Variants in DOCK3 observed in about 807,000 individuals in gnomAD.
DOCK3 encodes the protein dedicator of cytokinesis 3.
In DOCK3, 60 loss-of-function variants were observed where a neutral mutation model predicts 265.6. The ratio of observed to expected loss-of-function variants is 0.23; its 90% confidence interval spans 0.18 to 0.28. The LOEUF (loss-of-function observed/expected upper bound fraction) is 0.28, where lower values mean the gene tolerates loss of function less well. Ranked by LOEUF, DOCK3 falls within the 10% of genes least tolerant of loss-of-function variation. The pLI is 1.00. For missense variants in DOCK3, 1,981 were observed against 2,594.3 expected (o/e 0.76, Z 5.14); for synonymous variants, 881 against 938.0 (o/e 0.94, Z 1.11).
intron 27 of DOCK3, among the ~76,000 whole-genome samples, chr3:51,300,552 C>G (rs2082316376): frequency 1.3e-5 from 2 of 152,176 alleles, no homozygotes; most frequent in Non-Finnish European, 2.9e-5. Flanking sequence ...GTAAATGCCA[C>G]TTATTATTTT....
At chr3:50,928,498 A>G (rs2050889484) in intron 4 of DOCK3, among the ~76,000 whole-genome samples, 1 of 152,204 alleles carries the variant, frequency 6.6e-6, no homozygotes, top group Non-Finnish European at 1.5e-5. Context: ...TTAAGGTTGA[A>G]TAATATTCCA....
At chr3:51,250,390 G>A (rs1287992636) in intron 22 of DOCK3, among the ~76,000 whole-genome samples, 11 of 152,150 alleles carry the variant, frequency 7.2e-5, no homozygotes, top group Middle Eastern at 6.3e-3. Flanking sequence ...AGGCCAAGGC[G>A]GGCGGATCAC....
At chr3:50,682,783 A>G (rs1056585415) in intron 1 of DOCK3, among the ~76,000 whole-genome samples, 1 of 152,238 alleles carries the variant, frequency 6.6e-6, no homozygotes, top group Non-Finnish European at 1.5e-5. Flanking sequence ...TACTAAAAAT[A>G]TAAAAATTAG....
At chr3:51,354,818 C>G in intron 40 of DOCK3, 64 bp from the exon 41 acceptor site, 1 of 1,576,890 alleles carries the variant, frequency 6.3e-7, no homozygotes, top group Non-Finnish European at 8.6e-7. Context: ...GCTACTGACT[C>G]CAGGGTGGAG....
chr3:50,801,931 A>G (rs533358521), intron 2 of DOCK3, among the ~76,000 whole-genome samples: 1 of 152,200 alleles, frequency 6.6e-6, no homozygotes, highest in South Asian at 2.1e-4. Flanking sequence ...TGCTAACTTG[A>G]TTGCTTTATT....
intron 43 of DOCK3, among the ~76,000 whole-genome samples, 193 bp from the exon 44 acceptor site, chr3:51,356,769 T>C (rs2086394554): frequency 6.6e-6 from 1 of 152,202 alleles, no homozygotes; most frequent in Non-Finnish European, 1.5e-5. Flanking sequence ...TCAGAACTAG[T>C]GTTCTTCACT....
chr3:50,980,326 T>C (rs2077643608), intron 5 of DOCK3, among the ~76,000 whole-genome samples: 1 of 152,216 alleles, frequency 6.6e-6, no homozygotes, highest in Non-Finnish European at 1.5e-5. Context: ...TATGGCTTAT[T>C]ATCTTTTTGA....
intron 1 of DOCK3, among the ~76,000 whole-genome samples, chr3:50,691,235 G>A (rs1205432318): frequency 6.7e-6 from 1 of 148,472 alleles, no homozygotes; most frequent in African/African-American, 2.5e-5. Context: ...AGTGAGCCGA[G>A]ATCGCATCAC....
intron 4 of DOCK3, among the ~76,000 whole-genome samples, chr3:50,906,284 A>G (rs1447175294): frequency 6.6e-6 from 1 of 152,020 alleles, no homozygotes; most frequent in Non-Finnish European, 1.5e-5. Flanking sequence ...TCATAAAATG[A>G]GTTAGGGAGG....
chr3:51,008,459 G>A (rs1219384085), intron 5 of DOCK3, among the ~76,000 whole-genome samples: 1 of 152,176 alleles, frequency 6.6e-6, no homozygotes, highest in African/African-American at 2.4e-5. Flanking sequence ...GGATGCTTGT[G>A]ATTTTTGCAC....
At chr3:50,989,386 G>A (rs12490502) in intron 5 of DOCK3, among the ~76,000 whole-genome samples, 12 of 152,110 alleles carry the variant, frequency 7.9e-5, no homozygotes, top group Admixed American at 4.6e-4. Flanking sequence ...TAGCAGTCAG[G>A]GGGGAGAGGA....
intron 5 of DOCK3, among the ~76,000 whole-genome samples, chr3:50,966,502 C>CTTTTTTT (rs531569343): frequency 8.7e-6 from 1 of 114,940 alleles, no homozygotes; most frequent in Non-Finnish European, 1.9e-5. Flanking sequence ...TTTTTTCTTC[C>CTTTTTTT]TTTTTTTTTT....
intron 22 of DOCK3, among the ~76,000 whole-genome samples, chr3:51,255,235 C>T (rs1389405333): frequency 6.6e-6 from 1 of 152,170 alleles, no homozygotes; most frequent in Non-Finnish European, 1.5e-5. Flanking sequence ...CTGAGAGATC[C>T]CCTGTTAGTC....
intron 5 of DOCK3, among the ~76,000 whole-genome samples, chr3:51,054,239 A>G (rs1392329306): frequency 1.3e-5 from 2 of 151,786 alleles, no homozygotes; most frequent in African/African-American, 4.8e-5. Context: ...GGCTGGATAT[A>G]TACTTCTTTG....
chr3:50,957,598 A>G (rs997563903), intron 5 of DOCK3, among the ~76,000 whole-genome samples: 5 of 152,246 alleles, frequency 3.3e-5, no homozygotes, highest in Non-Finnish European at 7.3e-5. Flanking sequence ...AAACTTTGTT[A>G]AAGTAGAACC....
chr3:50,694,432 C>T (rs2035475259), intron 1 of DOCK3, among the ~76,000 whole-genome samples: 2 of 152,048 alleles, frequency 1.3e-5, no homozygotes, highest in African/African-American at 4.8e-5. Context: ...TATTTTAGTT[C>T]AATAGGGTAT....
intron 1 of DOCK3, among the ~76,000 whole-genome samples, chr3:50,697,987 T>G (rs1299084125): frequency 1.3e-5 from 2 of 152,340 alleles, no homozygotes; most frequent in Non-Finnish European, 2.9e-5. Context: ...CTTACTATTT[T>G]TCTTTTTTTA....
intron 23 of DOCK3, 90 bp from the exon 24 acceptor site, chr3:51,270,725 G>T: frequency 7.3e-7 from 1 of 1,371,602 alleles, no homozygotes; most frequent in Non-Finnish European, 9.9e-7. Flanking sequence ...TGCCTTCTCA[G>T]CCTCTCACCA....
At chr3:50,990,935 C>T (rs2078080704) in intron 5 of DOCK3, among the ~76,000 whole-genome samples, 1 of 152,160 alleles carries the variant, frequency 6.6e-6, no homozygotes, top group African/African-American at 2.4e-5. Context: ...CACAGACACA[C>T]CTAGGAACAA....
Sources: gnomAD v4.1 joint callset for allele counts (sites outside exome capture counted in the v4.1 genomes callset) on GRCh38, gnomAD v4.1.1 for gene constraint, MANE v1.5 for transcripts, NCBI Gene and HGNC (gene_info 2026-07-23, HGNC 2026-07-21) for gene names.